The following KDM5A variants were observed in gnomAD, a reference collection of about 807,000 sequenced individuals.
KDM5A encodes lysine-specific demethylase 5A.
KDM5A carries 42 observed loss-of-function variants against 193.5 expected under a neutral mutation model. The observed-to-expected ratio is 0.22, with a 90% confidence interval of 0.17 to 0.28. KDM5A has a LOEUF of 0.28. Ranked by LOEUF, KDM5A falls within the 10% of genes least tolerant of loss-of-function variation. The pLI is 1.00. For missense variants in KDM5A, 1,692 were observed against 2,055.1 expected (o/e 0.82, Z 3.42); for synonymous variants, 796 against 718.1 (o/e 1.11, Z -1.73).
intron 27 of KDM5A, chr12:286,167 T>C: frequency 2.0e-6 from 1 of 509,550 alleles, no homozygotes; most frequent in Middle Eastern, 3.2e-4. Context: ...TTAAAACTAA[T>C]ATTTTTTATT....
Position 281,744 on chromosome 12 carries a change from T to C in KDM5A, c.*3712A>G, listed in dbSNP as rs996403419. 25 of 234,430 alleles carry C rather than the reference T, an allele frequency of 1.1e-4. No individual in the cohort carries two copies. Among genetic ancestry groups the C allele is most frequent in the Non-Finnish European group, 1.9e-4 (23 of 118,782 alleles). The allele number at this position is 234,430 out of a possible 1,614,324, so 14.5% of individuals were successfully genotyped here. A position where few individuals can be genotyped will look rare whatever the true frequency, so the allele number is the denominator to read the frequency against. On this transcript the variant is annotated 3_prime_UTR_variant, in exon 28 of 28. Transcript: ENST00000399788. ...CCCTTAAAAAGTGGATAAACCCATCTTTTGAAAGACAGGTCTTCTCAGTTT... is the reference window on the plus strand; with the variant it reads ...CCCTTAAAAAGTGGATAAACCCATCCTTTGAAAGACAGGTCTTCTCAGTTT...
At chr12:364,143 T>C (rs1944323013) in intron 4 of KDM5A, among the ~76,000 whole-genome samples, 2 of 152,228 alleles carry the variant, frequency 1.3e-5, no homozygotes, top group African/African-American at 4.8e-5. Flanking sequence ...AGTAAAATGA[T>C]TCAGCCATTT....
chr12:296,323 A>C (rs1943372907), intron 25 of KDM5A, among the ~76,000 whole-genome samples: 1 of 78,026 alleles, frequency 1.3e-5, no homozygotes. Context: ...ACTCCATCTC[A>C]AAAAAAAAAA....
At chr12:346,719 T>G (rs1338315091) in intron 10 of KDM5A, among the ~76,000 whole-genome samples, 1 of 152,134 alleles carries the variant, frequency 6.6e-6, no homozygotes. Context: ...TTCAACAACC[T>G]TCATGCTAAA....
In KDM5A at chr12:321,100, T is replaced by C. The variant is rs759792454; in HGVS notation, c.2436A>G (p.Pro812=). ...LSKKQKHRQS[P]DSGRTRTKLT... is the part of the protein sequence containing the mutation. Reference sequence around the variant, plus strand: ...GTTTGGTCCGAGTCCTCCCACTATCTGGGCTCTGTCTGATGTGAAATAATA... The same window carrying C: ...GTTTGGTCCGAGTCCTCCCACTATCCGGGCTCTGTCTGATGTGAAATAATA... Residue 812 remains proline (P), a synonymous_variant, in exon 18 of 28, where the codon CCA becomes CCG. Transcript: ENST00000399788. 2.5e-6 allele frequency: 4 copies of C among 1,611,248 alleles called. No homozygotes were observed. The highest frequency in any genetic ancestry group is 1.1e-5 in the South Asian group (1 of 91,030).
intron 27 of KDM5A, among the ~76,000 whole-genome samples, chr12:287,048 C>T: frequency 6.6e-6 from 1 of 152,042 alleles, no homozygotes; most frequent in East Asian, 1.9e-4. Context: ...TAATGTATGG[C>T]AAAACACCTA....
At chr12:372,959 A>G (rs1944450430) in intron 3 of KDM5A, among the ~76,000 whole-genome samples, 1 of 152,180 alleles carries the variant, frequency 6.6e-6, no homozygotes, top group Non-Finnish European at 1.5e-5. Context: ...ATCATGGTGG[A>G]TAAGCTTTTT....
chr12:378,274 C>A (rs893064002), intron 3 of KDM5A, among the ~76,000 whole-genome samples: 27 of 151,950 alleles, frequency 1.8e-4, no homozygotes, highest in Admixed American at 1.4e-3. Context: ...TTTTAAGCCC[C>A]CTTTTTTTTT....
At position 318,333 on chromosome 12, in the gene KDM5A, T is replaced by C; in HGVS notation, c.2670A>G (p.Glu890=). The change falls in exon 19 of 28, where the codon GAA becomes GAG. Residue 890 remains glutamate, a synonymous_variant. Coordinates refer to ENST00000399788, the MANE Select transcript of KDM5A (RefSeq NM_001042603.3). ...GTAGCTCTTGCTTCAGTCGTGGTAA[T>C]TCAGGGAGTTCCACATAGAGACTAG... is the stretch of plus-strand genomic sequence containing the variant. The part of the protein sequence containing the change: ...MGSSLYVELP[E]LPRLKQELQQ... 6.2e-7 allele frequency: 1 copy of C among 1,614,180 alleles called. No individual in the cohort carries two copies. The highest frequency in any genetic ancestry group is 1.1e-5 in the South Asian group (1 of 91,086).
At chr12:336,016 C>A (rs1168727266) in intron 10 of KDM5A, among the ~76,000 whole-genome samples, 3 of 123,512 alleles carry the variant, frequency 2.4e-5, no homozygotes, top group Non-Finnish European at 4.7e-5. Flanking sequence ...GCACTCCAGT[C>A]TGGGCAACAA....
intron 3 of KDM5A, among the ~76,000 whole-genome samples, chr12:373,644 C>T (rs1366980920): frequency 6.6e-6 from 1 of 152,066 alleles, no homozygotes; most frequent in Non-Finnish European, 1.5e-5. Context: ...TTTGTACTTC[C>T]TTCTCTAGTT....
In KDM5A at chr12:283,388, A is replaced by G. The variant is rs916097481; in HGVS notation, c.*2068T>C. 2.1e-5 allele frequency: 5 copies of G among 232,846 alleles called. No homozygotes were observed. The allele number at this position is 232,846 out of a possible 1,614,324, so 14.4% of individuals were successfully genotyped here. A position where few individuals can be genotyped will look rare whatever the true frequency, so the allele number is the denominator to read the frequency against. On this transcript the variant is annotated 3_prime_UTR_variant, in exon 28 of 28. Coordinates refer to ENST00000399788, the MANE Select transcript of KDM5A (RefSeq NM_001042603.3). The stretch of plus-strand genomic sequence containing the variant: ...GAAATCTTCGATCATACACAAACTT[A>G]CTTCAGATGAGACCTCAAGACATAT...
At chr12:322,689 A>G (rs1005293643) in intron 16 of KDM5A, 122 bp from the exon 17 acceptor site, 1 of 805,108 alleles carries the variant, frequency 1.2e-6, no homozygotes, top group African/African-American at 1.7e-5. Flanking sequence ...AATAATTAGT[A>G]GAAACAAACA....
At position 292,948 on chromosome 12, in the gene KDM5A, T is replaced by C. The variant is rs1591896999; in HGVS notation, c.4677A>G (p.Glu1559=). ...CCTTCTCCTTCTTTTTCTTTCTCTC[T>C]TCTTCTTTTGCTAGTTTCTTGGCCA... ...NKLAKKLAKE[E]ERKKKKEKAA... Residue 1559 remains glutamate, a synonymous_variant, in exon 27 of 28, where the codon GAA becomes GAG. Transcript: ENST00000399788. The C allele has an allele frequency of 1.9e-6, 3 of 1,613,460 alleles. No homozygotes were observed. The highest frequency in any genetic ancestry group is 1.1e-5 in the South Asian group (1 of 91,032).
At chr12:311,863 G>A (rs965808968) in intron 20 of KDM5A, among the ~76,000 whole-genome samples, 5 of 152,080 alleles carry the variant, frequency 3.3e-5, no homozygotes, top group East Asian at 1.9e-4. Context: ...GTGAAACTCC[G>A]GCTCTACCAA....
At chr12:351,498 C>A (rs956220611) in intron 9 of KDM5A, among the ~76,000 whole-genome samples, 2 of 151,980 alleles carry the variant, frequency 1.3e-5, no homozygotes, top group Admixed American at 6.6e-5. Flanking sequence ...TTTAAAGCAA[C>A]ACTAGATTTT....
rs35804849 is a variant in KDM5A at position 357,338 on chromosome 12, C to CAA, written c.673-803_673-802dup. 5.4e-3 allele frequency among the ~76,000 whole-genome samples: 766 copies of CAA among 142,514 alleles called. 4 individuals are homozygous for CAA. The highest frequency in any genetic ancestry group is 7.2e-3 in the Admixed American group (103 of 14,268). The allele number at this position is 142,514 out of a possible 152,430, so 93.5% of individuals were successfully genotyped here. A position where few individuals can be genotyped will look rare whatever the true frequency, so the allele number is the denominator to read the frequency against. On this transcript the variant is annotated intron_variant, in intron 5 of 27. Transcript: ENST00000399788. ...GCAACATAGTGACCCCCGTTTCTACCAAAAAAAAAAAAATTAGCTGGGCAT... is the reference window on the plus strand; with the variant it reads ...GCAACATAGTGACCCCCGTTTCTACCAAAAAAAAAAAAAAATTAGCTGGGCAT...
rs754724578 is a variant in KDM5A at position 318,122 on chromosome 12, C to A, written c.2881G>T (p.Val961Phe). ...TGTGTTCACCTTGCCTGTAGGCAGA[C>A]CTTAGCCTTTTCTTCCCATCGTTCA... ...VSERWEEKAK[V>F]CLQARPRHSV... The change falls in exon 19 of 28, where the codon GTC (valine) becomes TTC (phenylalanine). Residue 961 changes from valine (V) to phenylalanine (F), a missense_variant. Physicochemically the swap from Val to Phe is conservative, Grantham distance 50 (BLOSUM62 -1). Transcript: ENST00000399788. 19 of 1,614,036 alleles carry A rather than the reference C, an allele frequency of 1.2e-5. No homozygotes were observed. The highest frequency in any genetic ancestry group is 1.4e-5 in the Non-Finnish European group (16 of 1,179,960).
chr12:374,791 TTTGC>T (rs1944480292), intron 3 of KDM5A, among the ~76,000 whole-genome samples: 1 of 152,230 alleles, frequency 6.6e-6, no homozygotes, highest in Non-Finnish European at 1.5e-5. Context: ...TCTCTCAGCA[TTTGC>T]TTGTCTGTAA....
Sources: allele counts gnomAD v4.1 joint callset (sites outside exome capture counted in the v4.1 genomes callset), GRCh38; gene constraint gnomAD v4.1.1; transcripts MANE v1.5; gene names NCBI Gene and HGNC (gene_info 2026-07-23, HGNC 2026-07-21).